CTU2: variants seen among roughly 807,000 people sequenced by gnomAD.
CTU2 encodes cytoplasmic tRNA 2-thiolation protein 2.
CTU2 carries 80 observed loss-of-function variants against 64.1 expected under a neutral mutation model. The observed-to-expected ratio is 1.25, with a 90% CI of 1.04 to 1.50. The LOEUF is 1.50. Ranked by LOEUF, CTU2 falls within the 40% of genes most tolerant of loss-of-function variation. CTU2 has a pLI of 0.00. For missense variants in CTU2, 1,110 were observed against 690.2 expected (o/e 1.61, Z -6.81); for synonymous variants, 482 against 285.3 (o/e 1.69, Z -6.95).
chr16:88,706,734 T>G, intron 1 of CTU2, 136 bp downstream of exon 1: 1 of 629,148 alleles, frequency 1.6e-6, no homozygotes, highest in Non-Finnish European at 2.5e-6. Context: ...ACTCGGGGAA[T>G]GCCTGTCAAG....
chr16:88,709,929 G>GT lies in CTU2; in HGVS notation c.144-8dup. The GT allele has an allele frequency of 1.2e-6, 2 of 1,613,576 alleles. No homozygotes were observed. On this transcript the variant is annotated splice_polypyrimidine_tract_variant and intron_variant, in intron 2 of 14. Transcript: ENST00000453996. The stretch of plus-strand genomic sequence containing the variant: ...CAGGCGGTTCCCTCATCTCAGGTCT[G>GT]TGTTGCAGGGACTGTTTCAAGGCCT...
chr16:88,710,730 T>C, intron 4 of CTU2: 1 of 173,400 alleles, frequency 5.8e-6, no homozygotes, highest in Non-Finnish European at 1.2e-5. Flanking sequence ...ACACAGTCAG[T>C]GGAAAGCTGC....
At chr16:88,714,781 G>A in intron 12 of CTU2, 44 bp downstream of exon 12, 1 of 1,607,302 alleles carries the variant, frequency 6.2e-7, no homozygotes, top group Non-Finnish European at 8.5e-7. Flanking sequence ...GCATGGGGCG[G>A]GAGGGGGACC....
intron 3 of CTU2, 43 bp downstream of exon 3, chr16:88,710,059 C>A (rs372288432): frequency 6.2e-7 from 1 of 1,604,592 alleles, no homozygotes; most frequent in Non-Finnish European, 8.5e-7. Flanking sequence ...AGCCTGGCCC[C>A]TCGAGGTCCC....
In CTU2 at chr16:88,713,631, C is replaced by T. The variant is rs1163417120; in HGVS notation, c.874-16C>T. 2.5e-6 allele frequency: 4 copies of T among 1,609,348 alleles called. No homozygotes were observed. The Admixed American group carries it at 5.0e-5, about 20-fold the overall frequency. ...TCGGGCCTTGACCTGGACCACACAG[C>T]CCCTGCCTCCCGCAGGGCTTCTCGG... On this transcript the variant is annotated splice_polypyrimidine_tract_variant and intron_variant, in intron 8 of 14. Transcript: ENST00000453996.
chr16:88,710,201 A>T lies in CTU2; in HGVS notation c.223-22A>T, dbSNP rs763066792. 16 of 1,613,554 alleles carry T rather than the reference A, an allele frequency of 9.9e-6. No homozygotes were observed. The South Asian group carries it at 1.4e-4, about 14-fold the overall frequency. ...CCTGTGTTGGAGGTGCGGTGCCCTG[A>T]GTGATGTTTTTTCTCCCCCAGGTGC... On this transcript the variant is annotated intron_variant, in intron 3 of 14. Coordinates refer to ENST00000453996, the MANE Select transcript of CTU2 (RefSeq NM_001012759.3).
Position 88,713,915 on chromosome 16 carries a change from C to T in CTU2, c.1005+137C>T, listed in dbSNP as rs947898441. ...CTGTGGCCCCCAGCAGTGCTGCATC[C>T]TCTGAGCCCACCCTGTGCCGTGAGG... On this transcript the variant is annotated intron_variant, in intron 9 of 14. Coordinates refer to ENST00000453996, the MANE Select transcript of CTU2 (RefSeq NM_001012759.3). 17 of 1,281,896 alleles carry T rather than the reference C, an allele frequency of 1.3e-5. No homozygotes were observed. The Admixed American group carries it at 2.4e-4, about 18-fold the overall frequency. 79.4% of individuals were successfully genotyped at this position (1,281,896 alleles called of 1,614,324 possible). A position where few individuals can be genotyped will look rare whatever the true frequency, so the allele number is the denominator to read the frequency against.
intron 7 of CTU2, 22 bp from the exon 8 acceptor site, chr16:88,713,290 C>A (rs890260552): frequency 6.3e-7 from 1 of 1,585,680 alleles, no homozygotes; most frequent in Non-Finnish European, 8.6e-7. Flanking sequence ...CCCCCAGGCC[C>A]CTGAGACGCT....
Position 88,715,268 on chromosome 16 carries a change from G to A in CTU2, c.*17G>A. The A allele has an allele frequency of 6.2e-7, 1 of 1,608,942 alleles. No individual in the cohort carries two copies. Among genetic ancestry groups the A allele is most frequent in the Non-Finnish European group, 8.5e-7 (1 of 1,179,296 alleles). The stretch of plus-strand genomic sequence containing the variant: ...CAGAGCTGAGCGTGAGGACGTGCTT[G>A]CCGGGACAGCAGGCAGTGGCCACCT... On this transcript the variant is annotated 3_prime_UTR_variant, in exon 15 of 15. Transcript: ENST00000453996.
Position 88,714,470 on chromosome 16 carries a change from G to C in CTU2, c.1185G>C (p.Leu395=). ...GCTGCCTCCTCTGCATGTGTGCCCT[G>C]GACGTCGACGCCGCTGGTCTGTGTT... ...GPRCLLCMCA[L]DVDAADSATA... The change falls in exon 11 of 15, where the codon CTG becomes CTC. Residue 395 remains leucine (L), a synonymous_variant. Transcript: ENST00000453996. 6.2e-7 allele frequency: 1 copy of C among 1,612,624 alleles called. No individual in the cohort carries two copies. Among genetic ancestry groups the C allele is most frequent in the Non-Finnish European group, 8.5e-7 (1 of 1,179,876 alleles).
intron 2 of CTU2, 60 bp downstream of exon 2, chr16:88,707,270 C>T (rs1910946399): frequency 6.9e-7 from 1 of 1,442,726 alleles, no homozygotes; most frequent in Non-Finnish European, 9.8e-7. Flanking sequence ...GACAGGATAG[C>T]CGCAACTTGT....
chr16:88,712,518 G>A (rs952563957), intron 6 of CTU2, 104 bp from the exon 7 acceptor site: 12 of 1,504,464 alleles, frequency 8.0e-6, no homozygotes, highest in Non-Finnish European at 1.1e-5. Context: ...ACCTGCCCGT[G>A]CCCCAGCCTC....
chr16:88,711,221 C>T (rs1052674034), intron 4 of CTU2, among the ~76,000 whole-genome samples: 13 of 152,132 alleles, frequency 8.5e-5, no homozygotes, highest in African/African-American at 3.1e-4. Context: ...CTGGTGCTGC[C>T]CTTCCTGTGC....
In CTU2 at chr16:88,714,370, A is replaced by G; in HGVS notation, c.1098-13A>G. On this transcript the variant is annotated splice_polypyrimidine_tract_variant and intron_variant, in intron 10 of 14. Transcript: ENST00000453996. ...CGTGTGATTCACCTGCTCCTCCCAC[A>G]ATCCGGCCACAGGACAAGTGAGAAG... 1 of 1,612,122 alleles carries G rather than the reference A, an allele frequency of 6.2e-7. No homozygotes were observed. The highest frequency in any genetic ancestry group is 8.5e-7 in the Non-Finnish European group (1 of 1,179,684).
chr16:88,712,459 G>C (rs996408455), intron 6 of CTU2, 76 bp downstream of exon 6: 1 of 1,456,686 alleles, frequency 6.9e-7, no homozygotes, highest in Non-Finnish European at 9.3e-7. Flanking sequence ...AGCCTCACTG[G>C]CCTCTCCCTC....
intron 1 of CTU2, 99 bp downstream of exon 1, chr16:88,706,697 G>A (rs1910867817): frequency 2.2e-6 from 2 of 902,068 alleles, no homozygotes; most frequent in Non-Finnish European, 3.1e-6. Flanking sequence ...GAAGCCCCGC[G>A]TGGAGAGCGG....
Position 88,715,376 on chromosome 16 carries a change from TAAA to T in CTU2, c.*133_*135del, listed in dbSNP as rs113700874. ...TTGTATAAATAAAACATTTTTTAAT[TAAA>T]AAAAAAACTCTACAGTACACGTGGG... On this transcript the variant is annotated 3_prime_UTR_variant, in exon 15 of 15. Transcript: ENST00000453996. 3 of 1,087,758 alleles carry T rather than the reference TAAA, an allele frequency of 2.8e-6. No individual in the cohort carries two copies. Among genetic ancestry groups the T allele is most frequent in the Non-Finnish European group, 3.8e-6 (3 of 789,740 alleles). The allele number at this position is 1,087,758 out of a possible 1,614,324, so 67.4% of individuals were successfully genotyped here.
In CTU2 at chr16:88,709,950, G is replaced by A. The variant is rs201759472; in HGVS notation, c.156G>A (p.Lys52=). The A allele has an allele frequency of 4.6e-5, 74 of 1,613,998 alleles. No individual in the cohort carries two copies. In the Admixed American group the frequency reaches 1.1e-3, roughly 23 times the overall value. The change falls in exon 3 of 15, where the codon AAG becomes AAA. Residue 52 remains lysine (K), a synonymous_variant. Coordinates refer to ENST00000453996, the MANE Select transcript of CTU2 (RefSeq NM_001012759.3). ...GTCTGTGTTGCAGGGACTGTTTCAA[G>A]GCCTTCTACGTCCACAAGTTCAGAG... ...AGDAFCRDCF[K]AFYVHKFRAM... is the part of the protein sequence containing the mutation.
Position 88,715,321 on chromosome 16 carries a change from AGGACGGGGGACTGGCCTCT to A in CTU2, c.*72_*90del, listed in dbSNP as rs1400855072. 1.3e-6 allele frequency: 2 copies of A among 1,501,018 alleles called. No individual in the cohort carries two copies. The highest frequency in any genetic ancestry group is 1.8e-6 in the Non-Finnish European group (2 of 1,101,042). The allele number at this position is 1,501,018 out of a possible 1,614,324, so 93.0% of individuals were successfully genotyped here. Reference sequence around the variant, plus strand: ...TACACCACACTGGAGCCGGAAGGCAAGGACGGGGGACTGGCCTCTGATTGTCCATTTGTATAAATAAAAC... The same window carrying A: ...TACACCACACTGGAGCCGGAAGGCAAGATTGTCCATTTGTATAAATAAAAC... On this transcript the variant is annotated 3_prime_UTR_variant, in exon 15 of 15. Coordinates refer to ENST00000453996, the MANE Select transcript of CTU2 (RefSeq NM_001012759.3).
Sources: gnomAD v4.1 joint callset for allele counts (sites outside exome capture counted in the v4.1 genomes callset) on GRCh38, gnomAD v4.1.1 for gene constraint, MANE v1.5 for transcripts, NCBI Gene and HGNC (gene_info 2026-07-23, HGNC 2026-07-21) for gene names.